Variants in KCTD16 observed in about 807,000 individuals in gnomAD.
KCTD16 encodes BTB/POZ domain-containing protein KCTD16.
KCTD16 carries 13 observed loss-of-function variants against 33.2 expected under a neutral mutation model. The observed-to-expected ratio is 0.39, with a 90% CI of 0.25 to 0.62. KCTD16 has a LOEUF of 0.62. Ranked by LOEUF, KCTD16 falls within the 20% of genes least tolerant of loss-of-function variation. The probability of loss-of-function intolerance (pLI) is 0.50; values close to 1 mark genes in which losing one functional copy is unlikely to be tolerated. For synonymous variants in KCTD16, 197 were observed against 195.3 expected, an observed-to-expected ratio of 1.01 and a Z score of -0.07; for missense variants, 441 against 525.1, an observed-to-expected ratio of 0.84 and a Z score of 1.57.
At chr5:144,295,786 T>C (rs1026519296) in intron 3 of KCTD16, among the ~76,000 whole-genome samples, 7 of 152,160 alleles carry the variant, frequency 4.6e-5, no homozygotes, top group African/African-American at 1.7e-4. Flanking sequence ...GGAGAATCTT[T>C]CCTAGCTGGC....
intron 3 of KCTD16, among the ~76,000 whole-genome samples, chr5:144,442,932 C>A (rs748069213): frequency 2.6e-5 from 4 of 152,018 alleles, no homozygotes; most frequent in Non-Finnish European, 4.4e-5. Context: ...TGGCAAGGAA[C>A]CTCTACCATC....
intron 3 of KCTD16, among the ~76,000 whole-genome samples, chr5:144,301,530 T>G (rs1751439519): frequency 6.6e-6 from 1 of 152,226 alleles, no homozygotes; most frequent in African/African-American, 2.4e-5. Context: ...TATATCTTTC[T>G]TTGTTTCTAG....
At chr5:144,411,216 T>C (rs1052635732) in intron 3 of KCTD16, among the ~76,000 whole-genome samples, 2 of 152,118 alleles carry the variant, frequency 1.3e-5, no homozygotes, top group Non-Finnish European at 2.9e-5. Flanking sequence ...CAAAAGTCCT[T>C]GAATAGCCCA....
intron 3 of KCTD16, among the ~76,000 whole-genome samples, chr5:144,274,480 C>A (rs1441825347): frequency 6.6e-6 from 1 of 152,106 alleles, no homozygotes; most frequent in African/African-American, 2.4e-5. Flanking sequence ...AACATTTTTT[C>A]ATAATTCTGA....
intron 3 of KCTD16, among the ~76,000 whole-genome samples, chr5:144,329,399 G>A (rs1752294791): frequency 6.6e-6 from 1 of 152,162 alleles, no homozygotes; most frequent in South Asian, 2.1e-4. Flanking sequence ...TGTCTCTTCA[G>A]GTTAGTGTTA....
intron 3 of KCTD16, among the ~76,000 whole-genome samples, chr5:144,415,244 G>T (rs995024675): frequency 2.0e-5 from 3 of 152,054 alleles, no homozygotes; most frequent in Admixed American, 6.5e-5. Flanking sequence ...CACACATGAG[G>T]ATAGTGCCCC....
chr5:144,321,490 A>G (rs139907336), intron 3 of KCTD16, among the ~76,000 whole-genome samples: 43 of 152,316 alleles, frequency 2.8e-4, no homozygotes, highest in African/African-American at 1.0e-3. Context: ...GTGACTTATC[A>G]GTGGCAAACT....
intron 3 of KCTD16, chr5:144,439,596 T>C (rs1048108613): frequency 2.5e-5 from 5 of 197,766 alleles, no homozygotes; most frequent in African/African-American, 4.8e-5. Context: ...TAAAAGATGT[T>C]CAACACGCTT....
intron 3 of KCTD16, among the ~76,000 whole-genome samples, chr5:144,274,023 A>G (rs1393100368): frequency 1.3e-5 from 2 of 150,304 alleles, no homozygotes; most frequent in East Asian, 1.9e-4. Context: ...TATACATAAC[A>G]TATTATATTA....
intron 3 of KCTD16, among the ~76,000 whole-genome samples, chr5:144,379,220 T>G (rs976645675): frequency 6.6e-6 from 1 of 152,132 alleles, no homozygotes; most frequent in Non-Finnish European, 1.5e-5. Flanking sequence ...TTGGCCTAAC[T>G]CCCCACATGT....
chr5:144,400,905 C>T (rs1752688047), intron 3 of KCTD16, among the ~76,000 whole-genome samples: 2 of 151,986 alleles, frequency 1.3e-5, no homozygotes, highest in Non-Finnish European at 2.9e-5. Flanking sequence ...CATTTCCAGG[C>T]AGAGGGAACA....
chr5:144,359,583 T>G (rs1751656702), intron 3 of KCTD16, among the ~76,000 whole-genome samples: 1 of 151,778 alleles, frequency 6.6e-6, no homozygotes, highest in Non-Finnish European at 1.5e-5. Flanking sequence ...GAACAATGAT[T>G]TCAAGTGGGG....
intron 3 of KCTD16, among the ~76,000 whole-genome samples, chr5:144,395,487 A>G (rs1332008570): frequency 6.6e-6 from 1 of 152,154 alleles, no homozygotes; most frequent in Non-Finnish European, 1.5e-5. Flanking sequence ...ATTAAGGGCA[A>G]ATAGGTCTCA....
chr5:144,425,835 T>C (rs1753317018), intron 3 of KCTD16, among the ~76,000 whole-genome samples: 1 of 152,078 alleles, frequency 6.6e-6, no homozygotes, highest in Non-Finnish European at 1.5e-5. Flanking sequence ...GCTCTGGACC[T>C]GTTATGTGAG....
At chr5:144,193,350 G>A (rs916198328) in intron 2 of KCTD16, among the ~76,000 whole-genome samples, 1 of 152,024 alleles carries the variant, frequency 6.6e-6, no homozygotes, top group South Asian at 2.1e-4. Context: ...CAACTTGCTG[G>A]CTTTCTTGGT....
intron 3 of KCTD16, among the ~76,000 whole-genome samples, chr5:144,283,370 A>G (rs775635833): frequency 6.6e-6 from 1 of 152,226 alleles, no homozygotes; most frequent in Non-Finnish European, 1.5e-5. Context: ...AGCCATAATC[A>G]GTGGGAGAGA....
chr5:144,353,287 C>T (rs1751488328), intron 3 of KCTD16, among the ~76,000 whole-genome samples: 1 of 152,142 alleles, frequency 6.6e-6, no homozygotes, highest in African/African-American at 2.4e-5. Flanking sequence ...TCTGGCTAAT[C>T]ACAGGTGAAC....
At chr5:144,206,264 C>G (rs1189440664) in intron 2 of KCTD16, 125 bp from the exon 3 acceptor site, 5 of 157,870 alleles carry the variant, frequency 3.2e-5, no homozygotes, top group Non-Finnish European at 5.6e-5. Flanking sequence ...TCCAGAGCTG[C>G]TTATGTAAAA....
chr5:144,366,401 C>A (rs571378223), intron 3 of KCTD16, among the ~76,000 whole-genome samples: 5 of 152,284 alleles, frequency 3.3e-5, no homozygotes, highest in African/African-American at 1.2e-4. Context: ...CCTTTTCTCC[C>A]CTGACATCCT....
Sources: gnomAD v4.1 joint callset for allele counts (sites outside exome capture counted in the v4.1 genomes callset) on GRCh38, gnomAD v4.1.1 for gene constraint, MANE v1.5 for transcripts, NCBI Gene and HGNC (gene_info 2026-07-23, HGNC 2026-07-21) for gene names.